The following TRDN variants were observed in gnomAD, a reference collection of about 807,000 sequenced individuals.
The protein encoded by TRDN is triadin, also known as triadin in skeletal muscle.
A neutral mutation model predicts 149.7 loss-of-function variants in TRDN; 161 were observed. That is an observed-to-expected ratio of 1.08 (90% CI 0.95 to 1.23). TRDN has a LOEUF of 1.23. Ranked by LOEUF, TRDN falls within the 50% of genes most tolerant of loss-of-function variation. The pLI, the probability that TRDN is intolerant of heterozygous loss-of-function variation, is 0.00. For missense variants in TRDN, 896 were observed against 823.5 expected (o/e 1.09, Z -1.08); for synonymous variants, 294 against 250.5 (o/e 1.17, Z -1.64).
At chr6:123,451,648 C>T (rs1775784640) in intron 10 of TRDN, among the ~76,000 whole-genome samples, 1 of 151,896 alleles carries the variant, frequency 6.6e-6, no homozygotes, top group Non-Finnish European at 1.5e-5. Context: ...CAGTTGGATT[C>T]ACAGAATTCT....
chr6:123,615,031 G>T (rs1785012856), intron 1 of TRDN, among the ~76,000 whole-genome samples: 1 of 151,950 alleles, frequency 6.6e-6, no homozygotes, highest in Non-Finnish European at 1.5e-5. Flanking sequence ...CATACAAATG[G>T]CCAACAGGTG....
intron 6 of TRDN, among the ~76,000 whole-genome samples, chr6:123,515,006 G>C (rs1189942153): frequency 6.6e-6 from 1 of 151,950 alleles, no homozygotes; most frequent in African/African-American, 2.4e-5. Context: ...ATGACAGGTT[G>C]ATAGGTGCAG....
intron 10 of TRDN, among the ~76,000 whole-genome samples, chr6:123,452,690 A>T (rs1775855353): frequency 6.6e-6 from 1 of 152,212 alleles, no homozygotes; most frequent in African/African-American, 2.4e-5. Context: ...AGCAATCTGC[A>T]AATTCAATGC....
intron 9 of TRDN, 92 bp downstream of exon 9, chr6:123,497,101 A>G: frequency 9.9e-7 from 1 of 1,010,082 alleles, no homozygotes; most frequent in Non-Finnish European, 1.4e-6. Context: ...GCAATTTTTA[A>G]AAAATGAAAA....
chr6:123,607,508 A>T (rs1184945403), intron 1 of TRDN, among the ~76,000 whole-genome samples: 1 of 152,200 alleles, frequency 6.6e-6, no homozygotes, highest in Non-Finnish European at 1.5e-5. Flanking sequence ...TATTTTCAGC[A>T]CATGGCCCTC....
intron 7 of TRDN, among the ~76,000 whole-genome samples, chr6:123,505,655 GT>G (rs1223300714): frequency 6.6e-6 from 1 of 150,714 alleles, no homozygotes; most frequent in Non-Finnish European, 1.5e-5. Flanking sequence ...ATTCAATATT[GT>G]TTAATCATAA....
At position 123,436,079 on chromosome 6, in the gene TRDN, G is replaced by A. The variant is rs541687496; in HGVS notation, c.1051+1984C>T. 1.9e-4 allele frequency among the ~76,000 whole-genome samples: 29 copies of A among 152,020 alleles called. 1 individual carries two copies. Among genetic ancestry groups the A allele is most frequent in the African/African-American group, 5.5e-4 (23 of 41,450 alleles). ...ACACGTTTTCAGATTTTGCATTTGC[G>A]TGCATATGAAAAATGCTTGAAAATT... is the stretch of plus-strand genomic sequence containing the variant. On this transcript the variant is annotated intron_variant, in intron 12 of 40. Transcript: ENST00000334268.
chr6:123,553,719 A>C (rs1781510997), intron 2 of TRDN, among the ~76,000 whole-genome samples: 2 of 152,200 alleles, frequency 1.3e-5, no homozygotes, highest in South Asian at 4.1e-4. Context: ...AATGAGAGCC[A>C]AGTGAAAAGG....
chr6:123,393,499 A>G (rs1772593177), intron 13 of TRDN, 125 bp downstream of exon 13: 9 of 831,526 alleles, frequency 1.1e-5, no homozygotes, highest in South Asian at 2.0e-5. Context: ...TTCATTCAAC[A>G]ATATTTTTTT....
chr6:123,624,707 T>G (rs1306245756), intron 1 of TRDN, among the ~76,000 whole-genome samples: 1 of 152,160 alleles, frequency 6.6e-6, no homozygotes, highest in Admixed American at 6.5e-5. Flanking sequence ...ACTCGTTTAA[T>G]GATTACCTTT....
chr6:123,442,373 C>T (rs1202208617), intron 10 of TRDN: 1 of 114,094 alleles, frequency 8.8e-6, no homozygotes, highest in African/African-American at 4.7e-5. Context: ...GAAACCCCGT[C>T]TCTACTAAAA....
intron 2 of TRDN, among the ~76,000 whole-genome samples, chr6:123,550,707 G>T (rs1159497441): frequency 6.6e-6 from 1 of 151,888 alleles, no homozygotes; most frequent in Non-Finnish European, 1.5e-5. Context: ...GGATTTCTGG[G>T]GAAATTTTTA....
At chr6:123,283,788 C>T (rs923666541) in intron 24 of TRDN, among the ~76,000 whole-genome samples, 12 of 149,214 alleles carry the variant, frequency 8.0e-5, no homozygotes, top group East Asian at 2.0e-4. Context: ...TAACAAGCAG[C>T]GAGACTGAAA....
intron 1 of TRDN, among the ~76,000 whole-genome samples, chr6:123,586,056 G>C (rs542654218): frequency 6.6e-6 from 1 of 152,090 alleles, no homozygotes; most frequent in African/African-American, 2.4e-5. Context: ...AAGTGTCTCA[G>C]GGTTGCTGCC....
intron 4 of TRDN, among the ~76,000 whole-genome samples, chr6:123,545,587 T>A (rs1479375269): frequency 6.6e-6 from 1 of 151,878 alleles, no homozygotes; most frequent in Non-Finnish European, 1.5e-5. Context: ...AATAATACTA[T>A]TAAGAAAATA....
chr6:123,628,689 T>A (rs1015877313), intron 1 of TRDN, among the ~76,000 whole-genome samples: 3 of 152,194 alleles, frequency 2.0e-5, no homozygotes, highest in African/African-American at 4.8e-5. Flanking sequence ...TCAAATGTTT[T>A]ATAATCTGTC....
intron 11 of TRDN, 40 bp from the exon 12 acceptor site, chr6:123,438,162 T>A (rs1355609546): frequency 2.1e-6 from 3 of 1,462,078 alleles, no homozygotes; most frequent in Non-Finnish European, 2.8e-6. Context: ...TTTACCTGTT[T>A]AACTTGCAAA....
chr6:123,351,192 G>T (rs1434526303), intron 21 of TRDN: 1 of 983,806 alleles, frequency 1.0e-6, no homozygotes, highest in Non-Finnish European at 1.2e-6. Flanking sequence ...TGTCATCTGT[G>T]TTGAAATTGA....
intron 23 of TRDN, among the ~76,000 whole-genome samples, chr6:123,327,806 A>T (rs910086214): frequency 2.6e-5 from 4 of 152,120 alleles, no homozygotes; most frequent in Non-Finnish European, 5.9e-5. Flanking sequence ...TTCAATTCTT[A>T]TACCTTTTCT....
Sources: gnomAD v4.1 joint callset for allele counts (sites outside exome capture counted in the v4.1 genomes callset) on GRCh38, gnomAD v4.1.1 for gene constraint, MANE v1.5 for transcripts, NCBI Gene and HGNC (gene_info 2026-07-23, HGNC 2026-07-21) for gene names.